Variants in CUX2 observed in about 807,000 individuals in gnomAD.
CUX2 encodes homeobox protein cut-like 2.
In CUX2, 40 loss-of-function variants were observed where a neutral mutation model predicts 144.8. The observed-to-expected ratio is 0.28, with a 90% CI of 0.21 to 0.36. The LOEUF (loss-of-function observed/expected upper bound fraction) is 0.36, where lower values mean the gene tolerates loss of function less well. Ranked by LOEUF, CUX2 falls within the 10% of genes least tolerant of loss-of-function variation. The pLI is 1.00. For missense variants in CUX2, 1,615 were observed against 1,994.0 expected (o/e 0.81, Z 3.62); for synonymous variants, 827 against 875.6 (o/e 0.94, Z 0.98).
chr12:111,173,584 A>G (rs1471034876), intron 1 of CUX2, among the ~76,000 whole-genome samples: 2 of 152,190 alleles, frequency 1.3e-5, no homozygotes, highest in African/African-American at 4.8e-5. Flanking sequence ...CACAGTTGCC[A>G]TAGTGCTTCA....
At chr12:111,193,716 A>G (rs1370630958) in intron 1 of CUX2, among the ~76,000 whole-genome samples, 1 of 151,818 alleles carries the variant, frequency 6.6e-6, no homozygotes, top group Non-Finnish European at 1.5e-5. Context: ...GGGCCTGGGG[A>G]CCTCTCACTG....
rs1015849458 is a variant in CUX2, at chr12:111,186,447, T to C, written c.64-27753T>C. Among the ~76,000 whole-genome samples the C allele has an allele frequency of 1.3e-5, 2 of 152,108 alleles. No homozygotes were observed. The highest frequency in any genetic ancestry group is 4.8e-5 in the African/African-American group (2 of 41,406). Reference sequence around the variant, plus strand: ...TTAAGCTGAGACCCGAAGCATAAACTAGGCGGGGAACAGGGGAGCGGGAAG... The same window carrying C: ...TTAAGCTGAGACCCGAAGCATAAACCAGGCGGGGAACAGGGGAGCGGGAAG... On this transcript the variant is annotated intron_variant, in intron 1 of 21. Coordinates refer to ENST00000261726, the MANE Select transcript of CUX2 (RefSeq NM_015267.4). The surrounding 1 kb of genome is among the most constrained non-coding windows in gnomAD (Gnocchi z 4.4).
At chr12:111,337,275 C>T (rs1254374498) in intron 19 of CUX2, among the ~76,000 whole-genome samples, 1 of 151,538 alleles carries the variant, frequency 6.6e-6, no homozygotes, top group Non-Finnish European at 1.5e-5. Flanking sequence ...ATCACTTGAA[C>T]CTGGGAGGCA....
At chr12:111,195,798 G>A (rs892913148) in intron 1 of CUX2, among the ~76,000 whole-genome samples, 14 of 152,292 alleles carry the variant, frequency 9.2e-5, no homozygotes, top group African/African-American at 3.4e-4. Flanking sequence ...ATGAATATGA[G>A]GAGTGGCTGC....
intron 1 of CUX2, among the ~76,000 whole-genome samples, chr12:111,125,083 A>G (rs928576783): frequency 6.6e-6 from 1 of 151,920 alleles, no homozygotes; most frequent in Admixed American, 6.6e-5. Flanking sequence ...ATTTTGGGGT[A>G]CCATTTTCTG....
rs1479528866 is a variant in CUX2, at chr12:111,178,796, G to T, written c.64-35404G>T. On this transcript the variant is annotated intron_variant, in intron 1 of 21. Transcript: ENST00000261726. The surrounding 1 kb of genome is among the most constrained non-coding windows in gnomAD (Gnocchi z 5.7). ...CTGTGATGAGGGCTCAGATGGAAGC[G>T]CAGGGGCCGTGGGGGCTTGGGGATG... Among the ~76,000 whole-genome samples the T allele has an allele frequency of 2.0e-5, 3 of 152,140 alleles. No homozygotes were observed. Among genetic ancestry groups the T allele is most frequent in the Non-Finnish European group, 4.4e-5 (3 of 68,032 alleles).
rs369060124 is a variant in CUX2 at position 111,312,200 on chromosome 12, C to T, written c.2001C>T (p.Gly667=). 5.1e-5 allele frequency: 82 copies of T among 1,604,568 alleles called. No homozygotes were observed. The highest frequency in any genetic ancestry group is 4.8e-5 in the Non-Finnish European group (56 of 1,174,544). ...AGAAGGAGATCGAGTCGCAGAAGGG[C>T]GGTGAGTGTGACCCCTGCAGGCAAA... The part of the protein sequence containing the change: ...QAKKEIESQK[G]GEPKTSVAPL... Residue 667 remains glycine, a splice_region_variant and synonymous_variant, in exon 16 of 22, where the codon GGC becomes GGT. Coordinates refer to ENST00000261726, the MANE Select transcript of CUX2 (RefSeq NM_015267.4). The surrounding 1 kb of genome is among the most constrained non-coding windows in gnomAD (Gnocchi z 4.3).
chr12:111,323,257 C>T lies in CUX2; in HGVS notation c.2926+677C>T, dbSNP rs1887623564. Among the ~76,000 whole-genome samples, 2 of 152,316 alleles carry T rather than the reference C, an allele frequency of 1.3e-5. 1 individual carries two copies. Among genetic ancestry groups the T allele is most frequent in the South Asian group, 4.1e-4 (2 of 4,830 alleles). On this transcript the variant is annotated intron_variant, in intron 18 of 21. Transcript: ENST00000261726. ...TGAGAAGGGCAGAGACCAGGGGAGG[C>T]CAGACCCTGAGTCCAAGGATCTGAG...
intron 1 of CUX2, among the ~76,000 whole-genome samples, chr12:111,176,708 T>C (rs982459749): frequency 7.9e-5 from 12 of 152,190 alleles, no homozygotes; most frequent in Non-Finnish European, 1.3e-4. Context: ...TGGGCCACCT[T>C]TGGGGACAGG....
At chr12:111,147,249 A>G (rs141966119) in intron 1 of CUX2, among the ~76,000 whole-genome samples, 33 of 152,346 alleles carry the variant, frequency 2.2e-4, no homozygotes, top group Admixed American at 1.8e-3. Flanking sequence ...GGTAGATGCT[A>G]ACAAAGCTGG....
intron 16 of CUX2, among the ~76,000 whole-genome samples, chr12:111,318,564 G>A (rs1381716466): frequency 6.7e-6 from 1 of 149,434 alleles, no homozygotes; most frequent in East Asian, 2.0e-4. Context: ...CTGCACTCCA[G>A]CCTGGGAAGC....
intron 1 of CUX2, among the ~76,000 whole-genome samples, chr12:111,193,159 G>T (rs1371666488): frequency 2.0e-5 from 3 of 152,166 alleles, no homozygotes; most frequent in Non-Finnish European, 4.4e-5. Context: ...GCGGAAAATG[G>T]ATTCAAGGGA....
chr12:111,104,984 C>A (rs1873502996), intron 1 of CUX2, among the ~76,000 whole-genome samples: 1 of 152,182 alleles, frequency 6.6e-6, no homozygotes, highest in Non-Finnish European at 1.5e-5. Flanking sequence ...GTGGTTCTAC[C>A]CGAAACACTC....
At chr12:111,150,258 G>A (rs1876950897) in intron 1 of CUX2, among the ~76,000 whole-genome samples, 3 of 152,120 alleles carry the variant, frequency 2.0e-5, no homozygotes, top group Admixed American at 1.3e-4. Context: ...GTTTTAGAAT[G>A]AGCATATATT....
intron 1 of CUX2, among the ~76,000 whole-genome samples, chr12:111,162,121 GA>G (rs1374846800): frequency 6.6e-6 from 1 of 152,222 alleles, no homozygotes; most frequent in Non-Finnish European, 1.5e-5. Context: ...CCCAGAGAGA[GA>G]AAATGCTTTG....
chr12:111,248,897 G>A (rs989674877), intron 3 of CUX2, among the ~76,000 whole-genome samples: 9 of 152,196 alleles, frequency 5.9e-5, no homozygotes, highest in Non-Finnish European at 1.3e-4. Flanking sequence ...ATGCTCACAG[G>A]ACTTTATGGA....
chr12:111,247,383 T>C (rs1883329950), intron 3 of CUX2, among the ~76,000 whole-genome samples: 1 of 152,238 alleles, frequency 6.6e-6, no homozygotes, highest in African/African-American at 2.4e-5. Context: ...CAGTGACATT[T>C]GGGCAGCCGC....
Position 111,214,235 on chromosome 12 carries a change from A to G in CUX2, c.99A>G (p.Ala33=). 6.3e-7 allele frequency: 1 copy of G among 1,598,946 alleles called. No individual in the cohort carries two copies. ...ELNSVASELS[A]RQEESEHSHK... ...ATTCCGTCGCTTCTGAGCTGTCTGC[A>G]CGGCAGGAGGAGAGTGAACATTCTC... Residue 33 remains alanine, a synonymous_variant, in exon 2 of 22, where the codon GCA becomes GCG. Coordinates refer to ENST00000261726, the MANE Select transcript of CUX2 (RefSeq NM_015267.4).
chr12:111,223,277 T>C (rs961429702), intron 3 of CUX2, among the ~76,000 whole-genome samples: 2 of 152,208 alleles, frequency 1.3e-5, no homozygotes, highest in African/African-American at 4.8e-5. Context: ...GCCAAGTCCC[T>C]GTGATTCTGA....
Sources: allele counts gnomAD v4.1 joint callset (sites outside exome capture counted in the v4.1 genomes callset), GRCh38; gene constraint gnomAD v4.1.1; non-coding constraint Gnocchi (gnomAD v3.1); transcripts MANE v1.5; gene names NCBI Gene and HGNC (gene_info 2026-07-23, HGNC 2026-07-21).